AMMECR1: variants seen among roughly 807,000 people sequenced by gnomAD.
The protein encoded by AMMECR1 is nuclear protein AMMECR1.
AMMECR1 carries 3 observed loss-of-function variants against 22.5 expected under a neutral mutation model. The observed-to-expected ratio is 0.13, with a 90% CI of 0.06 to 0.35. AMMECR1 has a LOEUF of 0.35. Among genes scored for constraint, AMMECR1 ranks in the 10% least tolerant of loss-of-function variants. The pLI, the probability that AMMECR1 is intolerant of heterozygous loss-of-function variation, is 1.00. For missense variants in AMMECR1, 235 were observed against 278.7 expected (o/e 0.84, Z 1.12); for synonymous variants, 130 against 116.7 (o/e 1.11, Z -0.74).
intron 2 of AMMECR1, among the ~76,000 whole-genome samples, chrX:110,414,548 T>C (rs925418431): frequency 8.8e-6 from 1 of 113,319 alleles, no homozygotes; most frequent in African/African-American, 3.2e-5. Context: ...TTGTTATTTT[T>C]GCTTTACAGA....
chrX:110,432,669 G>T (rs999867695), intron 1 of AMMECR1, among the ~76,000 whole-genome samples: 3 of 112,085 alleles, frequency 2.7e-5, no homozygotes, highest in African/African-American at 9.7e-5. Flanking sequence ...GTGTTCCACA[G>T]GCAGCACCAG....
intron 2 of AMMECR1, among the ~76,000 whole-genome samples, chrX:110,227,656 G>A (rs180902295): frequency 8.9e-6 from 1 of 112,084 alleles, no homozygotes; most frequent in East Asian, 2.8e-4. Context: ...TGAAAGAACA[G>A]AATGGGGGTG....
chrX:110,222,491 A>T (rs2067507802), intron 2 of AMMECR1, among the ~76,000 whole-genome samples: 1 of 92,629 alleles, frequency 1.1e-5, no homozygotes, highest in African/African-American at 4.0e-5. Context: ...GATATACCTA[A>T]TGCTAGATGA....
At chrX:110,373,978 G>C (rs1192901236) in intron 2 of AMMECR1, among the ~76,000 whole-genome samples, 1 of 111,517 alleles carries the variant, frequency 9.0e-6, no homozygotes, top group African/African-American at 3.3e-5. Flanking sequence ...AATATAGCAT[G>C]GCACTATAAA....
chrX:110,297,709 G>C (rs1040910523), intron 1 of AMMECR1, among the ~76,000 whole-genome samples: 2 of 111,460 alleles, frequency 1.8e-5, no homozygotes, highest in Non-Finnish European at 3.8e-5. Flanking sequence ...TGCTTTTATA[G>C]GGGAGTAGAT....
chrX:110,268,396 C>CT (rs1463830074), intron 1 of AMMECR1, among the ~76,000 whole-genome samples: 1 of 112,219 alleles, frequency 8.9e-6, no homozygotes, highest in Non-Finnish European at 1.9e-5. Flanking sequence ...ATCTGGGACT[C>CT]TAATTTCTCA....
chrX:110,317,574 G>C, intron 1 of AMMECR1, 25 bp downstream of exon 1: 1 of 1,144,898 alleles, frequency 8.7e-7, no homozygotes, highest in Non-Finnish European at 1.2e-6. Context: ...GCAAGGGAGA[G>C]GGCGGCGGAG....
At chrX:110,316,356 G>C (rs2068047620) in intron 1 of AMMECR1, among the ~76,000 whole-genome samples, 1 of 111,550 alleles carries the variant, frequency 9.0e-6, no homozygotes, top group Non-Finnish European at 1.9e-5. Flanking sequence ...CATCAATTCA[G>C]GTATTTATGA....
At chrX:110,321,836 A>C (rs2068079994), upstream of AMMECR1, among the ~76,000 whole-genome samples, 1 of 112,273 alleles carries the variant, frequency 8.9e-6, no homozygotes, top group African/African-American at 3.2e-5. Flanking sequence ...CAACTGCAGA[A>C]TGTAATATTC....
chrX:110,266,301 A>T, intron 1 of AMMECR1, among the ~76,000 whole-genome samples: 1 of 111,877 alleles, frequency 8.9e-6, no homozygotes, highest in Admixed American at 9.5e-5. Context: ...GTATCTTAAA[A>T]TTTAAACCTT....
In AMMECR1 at chrX:110,343,764, T is replaced by C. The variant is rs1365894096; in HGVS notation, c.-147-25915A>G. On this transcript the variant is annotated intron_variant, in intron 2 of 7. Transcript: ENST00000372057. ...CACAATTGCTTCAAAGAGAATAAAATACCTAGGAATCCAACTTACAAGGGA... is the reference window on the plus strand; with the variant it reads ...CACAATTGCTTCAAAGAGAATAAAACACCTAGGAATCCAACTTACAAGGGA... Among the ~76,000 whole-genome samples, 5 of 109,009 alleles carry C rather than the reference T, an allele frequency of 4.6e-5. No homozygotes were observed. The Admixed American group carries it at 4.9e-4, about 11-fold the overall frequency. The allele number at this position is 109,009 out of a possible 115,157, so 94.7% of individuals were successfully genotyped here. A position where few individuals can be genotyped will look rare whatever the true frequency, so the allele number is the denominator to read the frequency against.
intron 2 of AMMECR1, among the ~76,000 whole-genome samples, chrX:110,222,777 G>A (rs1266764701): frequency 9.0e-6 from 1 of 110,777 alleles, no homozygotes; most frequent in Non-Finnish European, 1.9e-5. Flanking sequence ...AAGAAACAAG[G>A]AGAAAGCAAG....
At chrX:110,339,413 A>AAAAC (rs1556095285) in intron 2 of AMMECR1, among the ~76,000 whole-genome samples, 1 of 108,438 alleles carries the variant, frequency 9.2e-6, no homozygotes, top group Non-Finnish European at 1.9e-5. Context: ...AAAAAAAAAA[A>AAAAC]AAAAAAAAAA....
chrX:110,397,173 T>C (rs1464404293), intron 2 of AMMECR1, among the ~76,000 whole-genome samples: 1 of 111,219 alleles, frequency 9.0e-6, no homozygotes, highest in African/African-American at 3.3e-5. Context: ...AAAGACTTAC[T>C]CTTAGATGCT....
intron 2 of AMMECR1, among the ~76,000 whole-genome samples, chrX:110,225,823 G>C (rs1386311315): frequency 1.8e-5 from 2 of 111,501 alleles, no homozygotes; most frequent in Non-Finnish European, 1.9e-5. Flanking sequence ...GTGAGCAAAA[G>C]AATGTGCATG....
In AMMECR1 at chrX:110,223,125, T is replaced by C. The variant is rs180721279; in HGVS notation, c.585-6493A>G. On this transcript the variant is annotated intron_variant, in intron 2 of 5. Coordinates refer to ENST00000262844, the MANE Select transcript of AMMECR1 (RefSeq NM_015365.3). ...AGAATTGGGTCTGAATTTGATTTAG[T>C]GGAGCAGAGCTAAAACTGGAAAATA... Among the ~76,000 whole-genome samples the C allele has an allele frequency of 8.9e-5, 10 of 111,795 alleles. No individual in the cohort carries two copies. In the East Asian group the frequency reaches 2.8e-3, roughly 31 times the overall value.
intron 2 of AMMECR1, among the ~76,000 whole-genome samples, chrX:110,393,589 A>G (rs1163711532): frequency 8.9e-6 from 1 of 111,820 alleles, no homozygotes; most frequent in Non-Finnish European, 1.9e-5. Flanking sequence ...GGTGCCTCTA[A>G]AAGTTTCTTC....
At chrX:110,218,722 G>A (rs2067486482) in intron 2 of AMMECR1, among the ~76,000 whole-genome samples, 2 of 110,230 alleles carry the variant, frequency 1.8e-5, no homozygotes, top group African/African-American at 6.6e-5. Context: ...TCACAGTTGT[G>A]CAACCATCAC....
At position 110,264,654 on chromosome X, in the gene AMMECR1, T is replaced by A. The variant is rs2067758474; in HGVS notation, c.474-55A>T. ...AAATCAATTCAATTCAAGCAAGTAT[T>A]TATTGAGTATTGACTGTCTGCTAGG... On this transcript the variant is annotated intron_variant, in intron 1 of 5. Coordinates refer to ENST00000262844, the MANE Select transcript of AMMECR1 (RefSeq NM_015365.3). 2.0e-5 allele frequency: 19 copies of A among 948,227 alleles called. 1 individual carries two copies. The South Asian group carries it at 4.0e-4, about 20-fold the overall frequency. 78.1% of individuals were successfully genotyped at this position (948,227 alleles called of 1,213,427 possible).
Sources: allele counts gnomAD v4.1 joint callset (sites outside exome capture counted in the v4.1 genomes callset), GRCh38; gene constraint gnomAD v4.1.1; transcripts MANE v1.5; gene names NCBI Gene and HGNC (gene_info 2026-07-23, HGNC 2026-07-21).